LRTM3: variants seen among roughly 807,000 people sequenced by gnomAD.
LRTM3 encodes the protein leucine-rich repeat transmembrane protein 3.
the LRTM3 span, chr13:102,743,955 T>C: frequency 9.0e-6 from 14 of 1,550,544 alleles, no homozygotes; most frequent in South Asian, 1.3e-4. Flanking sequence ...TTTTCCTCTG[T>C]AATATGACCA....
the LRTM3 span, chr13:102,731,458 T>C: frequency 6.4e-7 from 1 of 1,551,480 alleles, no homozygotes. Flanking sequence ...TAAGCTTATT[T>C]TTTTCTTTGG....
At chr13:102,752,039 G>A in the LRTM3 span, among the ~76,000 whole-genome samples, 1 of 152,064 alleles carries the variant, frequency 6.6e-6, no homozygotes, top group African/African-American at 2.4e-5. Flanking sequence ...ATGACCAGAT[G>A]CTGCCCCTCC....
chr13:102,747,329 A>G, the LRTM3 span: 2 of 1,550,122 alleles, frequency 1.3e-6, no homozygotes, highest in Admixed American at 2.0e-5. Context: ...CTGTTTAATT[A>G]TAATTTCAAA....
the LRTM3 span, chr13:102,748,424 A>C: frequency 1.3e-5 from 20 of 1,551,250 alleles, no homozygotes; most frequent in Non-Finnish European, 1.7e-5. Context: ...AACAAGTTCC[A>C]AAAAATCTTT....
At chr13:102,742,901 C>G in the LRTM3 span, 20 of 1,550,670 alleles carry the variant, frequency 1.3e-5, no homozygotes, top group Non-Finnish European at 1.6e-5. Context: ...TGTTGCCTCA[C>G]TCAGTTCTGC....
At chr13:102,740,983 C>T in the LRTM3 span, 3 of 1,549,958 alleles carry the variant, frequency 1.9e-6, no homozygotes, top group Non-Finnish European at 2.6e-6. Context: ...GAGGTTGATC[C>T]ACCGGAATAC....
the LRTM3 span, chr13:102,733,419 A>C: frequency 2.6e-6 from 4 of 1,551,342 alleles, no homozygotes; most frequent in Non-Finnish European, 1.7e-6. Flanking sequence ...TGGTGAGCGT[A>C]TCTCTCTGAA....
chr13:102,735,937 C>A, the LRTM3 span: 3 of 1,543,938 alleles, frequency 1.9e-6, no homozygotes, highest in East Asian at 7.4e-5. Context: ...CTTCAATGTG[C>A]AAAGAGTAGT....
At chr13:102,732,071 G>A in the LRTM3 span, 1 of 1,551,334 alleles carries the variant, frequency 6.4e-7, no homozygotes, top group South Asian at 1.2e-5. Flanking sequence ...CACTGCAAAG[G>A]GCTGGGGATC....
chr13:102,729,628 G>A, the LRTM3 span: 6 of 1,548,752 alleles, frequency 3.9e-6, no homozygotes, highest in Non-Finnish European at 5.2e-6. Flanking sequence ...CCTCCAGTGA[G>A]TCTGCCGGTA....
the LRTM3 span, chr13:102,729,976 G>T: frequency 1.3e-6 from 2 of 1,551,614 alleles, no homozygotes; most frequent in Non-Finnish European, 1.7e-6. Context: ...TTCTGCTCTT[G>T]GTAGTCCATG....
At chr13:102,738,625 A>T in the LRTM3 span, 3 of 1,550,240 alleles carry the variant, frequency 1.9e-6, no homozygotes, top group Non-Finnish European at 2.6e-6. Flanking sequence ...TGTTTGAGAT[A>T]TTATCAGAAA....
At chr13:102,757,744 T>C in the LRTM3 span, among the ~76,000 whole-genome samples, 2 of 152,308 alleles carry the variant, frequency 1.3e-5, no homozygotes, top group Admixed American at 6.5e-5. Context: ...CTCCTAAATA[T>C]ATTAATATTT....
chr13:102,733,671 C>T, the LRTM3 span: 1 of 1,551,174 alleles, frequency 6.4e-7, no homozygotes, highest in African/African-American at 1.4e-5. Flanking sequence ...AAGAGCCATT[C>T]CGGCCTTTTC....
the LRTM3 span, chr13:102,743,160 C>CAT: frequency 6.4e-7 from 1 of 1,550,638 alleles, no homozygotes; most frequent in East Asian, 2.4e-5. Context: ...TTCTCTTCCC[C>CAT]ACTTTCTCTA....
At chr13:102,755,943 A>G in the LRTM3 span, among the ~76,000 whole-genome samples, 25,480 of 62,932 alleles carry the variant, frequency 0.4, 2,753 homozygotes, top group South Asian at 0.46. Flanking sequence ...ATATATATAC[A>G]TATATATATA....
the LRTM3 span, chr13:102,742,364 G>T: frequency 6.5e-7 from 1 of 1,547,432 alleles, no homozygotes; most frequent in Non-Finnish European, 8.7e-7. Context: ...AGGAGAAATA[G>T]ATGTGTAGGG....
the LRTM3 span, chr13:102,747,660 C>G: frequency 1.9e-6 from 3 of 1,551,136 alleles, no homozygotes; most frequent in Non-Finnish European, 2.6e-6. Context: ...AGTTCACCAA[C>G]TGGCAAGTTC....
the LRTM3 span, chr13:102,746,992 T>C: frequency 3.2e-6 from 5 of 1,551,230 alleles, no homozygotes; most frequent in East Asian, 1.2e-4. Flanking sequence ...GTTGATGCAT[T>C]TCTTTCTCTG....
Sources: allele counts gnomAD v4.1 joint callset (sites outside exome capture counted in the v4.1 genomes callset), GRCh38; gene constraint gnomAD v4.1.1; transcripts MANE v1.5; gene names NCBI Gene and HGNC (gene_info 2026-07-23, HGNC 2026-07-21).